Variants in ANKMY2 observed in about 807,000 individuals in gnomAD.
ANKMY2 encodes ankyrin repeat and MYND domain-containing protein 2.
Under a neutral mutation model 50.4 loss-of-function variants are expected in ANKMY2, and 36 were observed. The ratio of observed to expected loss-of-function variants is 0.71; its 90% confidence interval spans 0.55 to 0.94. The LOEUF (loss-of-function observed/expected upper bound fraction) is 0.94, where lower values mean the gene tolerates loss of function less well. ANKMY2 is among the 40% of genes least tolerant of loss of function. The pLI is 0.00. For missense variants in ANKMY2, 565 were observed against 524.0 expected (o/e 1.08, Z -0.76); for synonymous variants, 187 against 178.8 (o/e 1.05, Z -0.36).
intron 8 of ANKMY2, chr7:16,603,673 A>C: frequency 2.1e-6 from 1 of 471,120 alleles, no homozygotes; most frequent in South Asian, 1.5e-5. Context: ...GAAGGGGAGG[A>C]GACTTGACTT....
chr7:16,634,081 A>T (rs1002558625), intron 2 of ANKMY2, among the ~76,000 whole-genome samples: 3 of 152,152 alleles, frequency 2.0e-5, no homozygotes, highest in African/African-American at 7.2e-5. Flanking sequence ...CTTCTGCATG[A>T]GAAATTGAAG....
At chr7:16,621,964 A>G (rs35329786) in intron 4 of ANKMY2, among the ~76,000 whole-genome samples, 33,376 of 151,504 alleles carry the variant, frequency 0.22, 4,243 homozygotes, top group Middle Eastern at 0.29. Flanking sequence ...GTGAGACTCC[A>G]TCTCAAAAAA....
At chr7:16,618,699 G>C (rs1781392647) in intron 4 of ANKMY2, among the ~76,000 whole-genome samples, 1 of 152,078 alleles carries the variant, frequency 6.6e-6, no homozygotes, top group Non-Finnish European at 1.5e-5. Context: ...TTTAGAAAAT[G>C]ATCACCTCTC....
chr7:16,608,798 C>T (rs764790489), intron 7 of ANKMY2, among the ~76,000 whole-genome samples: 95 of 152,188 alleles, frequency 6.2e-4, no homozygotes, highest in African/African-American at 1.6e-3. Flanking sequence ...GTCAGGAGTT[C>T]GAGACCAACC....
chr7:16,605,852 T>G (rs1484276299), intron 7 of ANKMY2, among the ~76,000 whole-genome samples: 1 of 151,222 alleles, frequency 6.6e-6, no homozygotes, highest in African/African-American at 2.4e-5. Flanking sequence ...CCGGCTAATT[T>G]TTTTGTATTT....
intron 8 of ANKMY2, chr7:16,603,530 AATGTTATTAAACACTTACTGT>A: frequency 2.3e-6 from 1 of 427,492 alleles, no homozygotes; most frequent in Non-Finnish European, 5.0e-6. Flanking sequence ...GATGGGAATG[AATGTTATTAAACACTTACTGT>A]ATGCCAAGCA....
At chr7:16,612,044 C>A (rs1583670651) in intron 5 of ANKMY2, among the ~76,000 whole-genome samples, 1 of 152,278 alleles carries the variant, frequency 6.6e-6, no homozygotes, top group East Asian at 1.9e-4. Context: ...GGTTGTAAGA[C>A]AAGAACTTGG....
At chr7:16,618,824 G>GTT (rs1781394031) in intron 4 of ANKMY2, among the ~76,000 whole-genome samples, 2 of 152,088 alleles carry the variant, frequency 1.3e-5, no homozygotes, top group Non-Finnish European at 2.9e-5. Context: ...ATTTACAACT[G>GTT]TATGTGAAGA....
At chr7:16,626,169 C>A (rs116764511) in intron 3 of ANKMY2, among the ~76,000 whole-genome samples, 1 of 151,750 alleles carries the variant, frequency 6.6e-6, no homozygotes, top group Non-Finnish European at 1.5e-5. Context: ...TTGGTAGAGA[C>A]GGGGTCTCAT....
intron 7 of ANKMY2, 101 bp from the exon 8 acceptor site, chr7:16,604,950 C>T (rs772167970): frequency 8.4e-6 from 10 of 1,189,742 alleles, no homozygotes; most frequent in Non-Finnish European, 1.1e-5. Flanking sequence ...CAATGTGACA[C>T]AAAAAGGAAG....
intron 4 of ANKMY2, among the ~76,000 whole-genome samples, chr7:16,617,770 A>G (rs1781376926): frequency 6.6e-6 from 1 of 152,136 alleles, no homozygotes; most frequent in African/African-American, 2.4e-5. Flanking sequence ...GGTGCAGACC[A>G]GCCTGGGTAA....
chr7:16,640,203 AAAG>A (rs2128346901), intron 1 of ANKMY2, among the ~76,000 whole-genome samples: 1 of 152,172 alleles, frequency 6.6e-6, no homozygotes, highest in Non-Finnish European at 1.5e-5. Flanking sequence ...AAGTAAATAA[AAAG>A]ACCTGTAAAA....
intron 4 of ANKMY2, among the ~76,000 whole-genome samples, chr7:16,622,939 G>C (rs141970152): frequency 7.2e-5 from 11 of 152,204 alleles, no homozygotes; most frequent in African/African-American, 2.4e-4. Flanking sequence ...TAGAAAAGTG[G>C]TTAAAAAACT....
rs768484966 is a variant in ANKMY2 at position 16,610,653 on chromosome 7, C to T, written c.642G>A (p.Met214Ile). The T allele has an allele frequency of 7.4e-6, 12 of 1,613,858 alleles. No individual in the cohort carries two copies. The East Asian group carries it at 2.7e-4, about 36-fold the overall frequency. Residue 214 changes from methionine to isoleucine, a missense_variant, in exon 6 of 10, where the codon ATG becomes ATA. Coordinates refer to ENST00000306999, the MANE Select transcript of ANKMY2 (RefSeq NM_020319.3). ...GCATCTTCATAGCCAATACTTCATT[C>T]ATGTCTCTTTGCTTCATACATTTCT... ...ICEKCMKQRD[M>I]NEVLAMKMHY...
intron 1 of ANKMY2, among the ~76,000 whole-genome samples, chr7:16,641,638 AAAC>A (rs746424113): frequency 2.6e-4 from 39 of 152,370 alleles, no homozygotes; most frequent in Non-Finnish European, 3.2e-4. Context: ...CCCAAATTGG[AAAC>A]AACAATTGGG....
intron 2 of ANKMY2, among the ~76,000 whole-genome samples, chr7:16,631,214 T>C (rs1269312726): frequency 1.3e-5 from 2 of 152,242 alleles, no homozygotes; most frequent in Non-Finnish European, 2.9e-5. Context: ...TGAATTACAC[T>C]GAAAGGTTTT....
At chr7:16,607,331 C>A (rs1419229330) in intron 7 of ANKMY2, among the ~76,000 whole-genome samples, 2 of 152,082 alleles carry the variant, frequency 1.3e-5, no homozygotes, top group African/African-American at 4.8e-5. Flanking sequence ...TTTGGGAGGC[C>A]AAGGCGGGCA....
intron 4 of ANKMY2, among the ~76,000 whole-genome samples, chr7:16,623,656 G>A (rs894077063): frequency 6.6e-6 from 1 of 152,122 alleles, no homozygotes; most frequent in Non-Finnish European, 1.5e-5. Flanking sequence ...ATGAACTAAA[G>A]TTCAAGTCTC....
At chr7:16,622,091 TAAA>T (rs1372316233) in intron 4 of ANKMY2, among the ~76,000 whole-genome samples, 1 of 148,842 alleles carries the variant, frequency 6.7e-6, no homozygotes, top group Non-Finnish European at 1.5e-5. Flanking sequence ...AGAAGAGGAA[TAAA>T]AAGAAGAAGA....
Sources: gnomAD v4.1 joint callset for allele counts (sites outside exome capture counted in the v4.1 genomes callset) on GRCh38, gnomAD v4.1.1 for gene constraint, MANE v1.5 for transcripts, NCBI Gene and HGNC (gene_info 2026-07-23, HGNC 2026-07-21) for gene names.